Variants in THRB observed in about 807,000 individuals in gnomAD.
The protein encoded by THRB is nuclear receptor subfamily 1 group A member 2.
THRB carries 12 observed loss-of-function variants against 47.8 expected under a neutral mutation model. That is an observed-to-expected ratio of 0.25 (90% CI 0.16 to 0.41). The LOEUF (loss-of-function observed/expected upper bound fraction) is 0.41. Among genes scored for constraint, THRB ranks in the 10% least tolerant of loss-of-function variants. The pLI is 1.00. For synonymous variants in THRB, 218 were observed against 212.2 expected (o/e 1.03, Z -0.24); for missense variants, 348 against 589.2 (o/e 0.59, Z 4.24).
chr3:24,475,243 ATTAT>A (rs1344304296), intron 1 of THRB, among the ~76,000 whole-genome samples: 2 of 152,288 alleles, frequency 1.3e-5, no homozygotes, highest in East Asian at 1.9e-4. Flanking sequence ...ATAATTTGAT[ATTAT>A]TTAAGTTAAT....
At chr3:24,293,215 T>C (rs1230604392) in intron 3 of THRB, among the ~76,000 whole-genome samples, 1 of 152,208 alleles carries the variant, frequency 6.6e-6, no homozygotes, top group African/African-American at 2.4e-5. Context: ...AATTTGAGAA[T>C]GTTGAGACGT....
chr3:24,218,340 CTCTTT>C (rs1348261705), intron 4 of THRB, among the ~76,000 whole-genome samples: 2 of 117,278 alleles, frequency 1.7e-5, no homozygotes, highest in African/African-American at 4.3e-5. Flanking sequence ...CTCTCTCTCT[CTCTTT>C]TTTTTTTTTT....
chr3:24,332,200 C>T (rs2061972374), intron 2 of THRB, among the ~76,000 whole-genome samples: 1 of 152,168 alleles, frequency 6.6e-6, no homozygotes, highest in African/African-American at 2.4e-5. Context: ...ACCCCTCCCC[C>T]ATTGTTGCTG....
chr3:24,123,652 C>G (rs891345886), intron 10 of THRB, among the ~76,000 whole-genome samples: 2 of 152,160 alleles, frequency 1.3e-5, no homozygotes, highest in Admixed American at 6.5e-5. Context: ...TGTTGTCTTC[C>G]AGGCTGCAAT....
chr3:24,139,307 C>G (rs2035116041), intron 8 of THRB, among the ~76,000 whole-genome samples: 1 of 152,102 alleles, frequency 6.6e-6, no homozygotes, highest in Non-Finnish European at 1.5e-5. Flanking sequence ...CTAATTTTCT[C>G]AGACCCAAAT....
chr3:24,190,847 G>GT (rs766181188), intron 4 of THRB, among the ~76,000 whole-genome samples: 3 of 149,582 alleles, frequency 2.0e-5, no homozygotes, highest in Non-Finnish European at 4.4e-5. Context: ...TGGCAACTCT[G>GT]TTTTTACCAC....
intron 1 of THRB, among the ~76,000 whole-genome samples, chr3:24,460,608 A>G (rs2073608484): frequency 1.3e-5 from 2 of 152,216 alleles, no homozygotes; most frequent in South Asian, 4.1e-4. Flanking sequence ...ATGATTGGCT[A>G]TCTTGAGAAT....
chr3:24,203,446 T>C (rs114378842), intron 4 of THRB, among the ~76,000 whole-genome samples: 38 of 152,204 alleles, frequency 2.5e-4, no homozygotes, highest in African/African-American at 8.4e-4. Context: ...TCTAAATGAA[T>C]AGGGTTGTCT....
At chr3:24,366,534 C>T (rs2064473085) in intron 1 of THRB, among the ~76,000 whole-genome samples, 1 of 152,104 alleles carries the variant, frequency 6.6e-6, no homozygotes, top group Admixed American at 6.6e-5. Context: ...TTTTAAGGAT[C>T]CGGAAGTCAA....
chr3:24,254,319 C>T (rs1338302474), intron 3 of THRB, among the ~76,000 whole-genome samples: 3 of 148,236 alleles, frequency 2.0e-5, no homozygotes, highest in South Asian at 2.1e-4. Context: ...GGTGTGAACC[C>T]GGGAGGCAAA....
chr3:24,220,954 G>A (rs2047098848), intron 4 of THRB, among the ~76,000 whole-genome samples: 1 of 152,232 alleles, frequency 6.6e-6, no homozygotes, highest in African/African-American at 2.4e-5. Context: ...GCCTGCTAAT[G>A]TGTGAACCAT....
intron 2 of THRB, among the ~76,000 whole-genome samples, chr3:24,330,653 T>C (rs560391298): frequency 1.3e-5 from 2 of 152,268 alleles, no homozygotes; most frequent in Non-Finnish European, 2.9e-5. Context: ...ATGAGAGACT[T>C]TGTCCAGGAT....
chr3:24,262,243 C>A (rs558673593), intron 3 of THRB, among the ~76,000 whole-genome samples: 8 of 152,148 alleles, frequency 5.3e-5, no homozygotes, highest in South Asian at 2.1e-4. Context: ...TTCTTTCTAC[C>A]TCCATCATTA....
At chr3:24,227,503 C>T (rs558358434) in intron 4 of THRB, among the ~76,000 whole-genome samples, 9 of 152,244 alleles carry the variant, frequency 5.9e-5, no homozygotes, top group African/African-American at 2.2e-4. Flanking sequence ...TATGTGATTC[C>T]GATGCCCTCA....
At chr3:24,341,363 T>C (rs1013945251) in intron 1 of THRB, among the ~76,000 whole-genome samples, 3 of 150,932 alleles carry the variant, frequency 2.0e-5, no homozygotes, top group African/African-American at 7.3e-5. Context: ...CCTGAGTAGG[T>C]GGGATGACAG....
intron 1 of THRB, among the ~76,000 whole-genome samples, chr3:24,447,373 A>C (rs1252248455): frequency 6.6e-6 from 1 of 152,180 alleles, no homozygotes; most frequent in African/African-American, 2.4e-5. Flanking sequence ...AATAATCTCA[A>C]CAAGTCAAAC....
At chr3:24,160,489 G>C (rs1209893396) in intron 5 of THRB, among the ~76,000 whole-genome samples, 1 of 152,162 alleles carries the variant, frequency 6.6e-6, no homozygotes, top group Non-Finnish European at 1.5e-5. Context: ...GCAGGTGTGT[G>C]GGGTGACTGC....
chr3:24,229,303 C>T (rs1330053222), intron 3 of THRB, among the ~76,000 whole-genome samples: 1 of 152,128 alleles, frequency 6.6e-6, no homozygotes, highest in African/African-American at 2.4e-5. Flanking sequence ...GCTGTTTATC[C>T]CAAGAGTGGC....
chr3:24,234,732 A>T (rs1354329984), intron 3 of THRB, among the ~76,000 whole-genome samples: 4 of 152,212 alleles, frequency 2.6e-5, no homozygotes, highest in African/African-American at 9.6e-5. Context: ...TTACACCTGT[A>T]TGAGGGAACC....
Sources: allele counts gnomAD v4.1 joint callset (sites outside exome capture counted in the v4.1 genomes callset), GRCh38; gene constraint gnomAD v4.1.1; transcripts MANE v1.5; gene names NCBI Gene and HGNC (gene_info 2026-07-23, HGNC 2026-07-21).